Variants in PPP2R2B observed in about 807,000 individuals in gnomAD.
PPP2R2B encodes serine/threonine-protein phosphatase 2A 55 kDa regulatory subunit B beta isoform.
In PPP2R2B, 5 loss-of-function variants were observed where a neutral mutation model predicts 46.0. The observed-to-expected ratio is 0.11, with a 90% CI of 0.06 to 0.23. The LOEUF (loss-of-function observed/expected upper bound fraction) is 0.23, where lower values mean the gene tolerates loss of function less well. Among genes scored for constraint, PPP2R2B ranks in the 10% least tolerant of loss-of-function variants. PPP2R2B has a pLI of 1.00. For synonymous variants in PPP2R2B, 215 were observed against 206.7 expected, an observed-to-expected ratio of 1.04 and a Z score of -0.34; for missense variants, 367 against 575.0, an observed-to-expected ratio of 0.64 and a Z score of 3.70.
At chr5:146,667,328 GCGCGCACACA>G (rs1436176182) in intron 5 of PPP2R2B, among the ~76,000 whole-genome samples, 10,978 of 126,154 alleles carry the variant, frequency 0.087, 510 homozygotes, top group African/African-American at 0.17. Context: ...ATAGGCGTGC[GCGCGCACACA>G]CACACACACA....
rs146841643 is a variant in PPP2R2B, at chr5:146,680,353, C to T, written c.447+10775G>A. Reference sequence around the variant, plus strand: ...AGGTGGGAATTGGACAATGAGATCACGTGGACACAGGAAGGGGAATATCAC... The same window carrying T: ...AGGTGGGAATTGGACAATGAGATCATGTGGACACAGGAAGGGGAATATCAC... On this transcript the variant is annotated intron_variant, in intron 5 of 9. Coordinates refer to ENST00000394411, the MANE Select transcript of PPP2R2B (RefSeq NM_181675.4). 8.3e-3 allele frequency among the ~76,000 whole-genome samples: 1,169 copies of T among 141,066 alleles called. 13 individuals carry two copies. Among genetic ancestry groups the T allele is most frequent in the African/African-American group, 0.028 (1,081 of 38,122 alleles). 92.5% of individuals were successfully genotyped at this position (141,066 alleles called of 152,430 possible).
chr5:146,915,826 C>G (rs1450449276), intron 1 of PPP2R2B, among the ~76,000 whole-genome samples: 2 of 152,140 alleles, frequency 1.3e-5, no homozygotes, highest in Non-Finnish European at 2.9e-5. Flanking sequence ...ATTTAAAAAT[C>G]ATTAACCAAG....
intron 7 of PPP2R2B, among the ~76,000 whole-genome samples, chr5:146,617,228 G>A (rs1402990974): frequency 1.3e-5 from 2 of 152,118 alleles, no homozygotes; most frequent in Non-Finnish European, 2.9e-5. Context: ...AGGTTGGGGG[G>A]CAGGGGGAAG....
intron 1 of PPP2R2B, among the ~76,000 whole-genome samples, chr5:147,012,343 T>C (rs1160412472): frequency 2.6e-5 from 4 of 152,202 alleles, no homozygotes; most frequent in African/African-American, 9.6e-5. Context: ...CCATTTCTTC[T>C]AGATTTTCTA....
chr5:146,890,223 A>G (rs1762453506), intron 1 of PPP2R2B, among the ~76,000 whole-genome samples: 1 of 152,242 alleles, frequency 6.6e-6, no homozygotes, highest in African/African-American at 2.4e-5. Context: ...ATTGTAAAGT[A>G]ACACAGTTCC....
intron 2 of PPP2R2B, among the ~76,000 whole-genome samples, chr5:146,840,684 G>T (rs1049993695): frequency 6.6e-6 from 1 of 152,074 alleles, no homozygotes; most frequent in African/African-American, 2.4e-5. Flanking sequence ...ACTCCAATTT[G>T]TTTTTATACA....
chr5:146,972,421 G>A (rs1452239162), intron 1 of PPP2R2B, among the ~76,000 whole-genome samples: 1 of 152,026 alleles, frequency 6.6e-6, no homozygotes, highest in East Asian at 1.9e-4. Context: ...AACTCAAGAG[G>A]GAGATGTTGG....
At chr5:146,820,979 C>T (rs752298542) in intron 2 of PPP2R2B, among the ~76,000 whole-genome samples, 33 of 152,156 alleles carry the variant, frequency 2.2e-4, no homozygotes, top group Non-Finnish European at 3.8e-4. Context: ...CCATCTCTCA[C>T]CAAGATTAGT....
intron 1 of PPP2R2B, among the ~76,000 whole-genome samples, chr5:146,884,721 C>G (rs950604580): frequency 1.3e-5 from 2 of 152,130 alleles, no homozygotes; most frequent in African/African-American, 4.8e-5. Flanking sequence ...TTTAGGCTGT[C>G]CTGTGCAAGA....
chr5:146,619,860 A>G (rs1773527318), intron 7 of PPP2R2B, among the ~76,000 whole-genome samples: 1 of 152,172 alleles, frequency 6.6e-6, no homozygotes, highest in African/African-American at 2.4e-5. Context: ...ATCTTGGCCC[A>G]CTGCATCCTT....
At chr5:146,659,367 C>G (rs1435912438) in intron 5 of PPP2R2B, among the ~76,000 whole-genome samples, 5 of 152,198 alleles carry the variant, frequency 3.3e-5, no homozygotes, top group African/African-American at 1.2e-4. Context: ...TCTGGAGGTA[C>G]ACAAGCACAC....
intron 2 of PPP2R2B, among the ~76,000 whole-genome samples, chr5:146,758,872 C>T (rs983124863): frequency 2.6e-5 from 4 of 152,138 alleles, no homozygotes; most frequent in African/African-American, 9.7e-5. Flanking sequence ...CTAATCCTGT[C>T]TCTACAGACC....
At position 146,600,360 on chromosome 5, in the gene PPP2R2B, C is replaced by A; in HGVS notation, c.891G>T (p.Met297Ile). Residue 297 changes from methionine to isoleucine, a missense_variant, in exon 8 of 10, where the codon ATG (methionine) becomes ATT (isoleucine). Physicochemically the swap from Met to Ile is conservative, Grantham distance 10. Transcript: ENST00000394411. Reference sequence around the variant, plus strand: ...CTTTGACGGTCAAGTAGTCCCTGGTCATGATATACCTCCCACTGTGGCTGA... The same window carrying A: ...CTTTGACGGTCAAGTAGTCCCTGGTAATGATATACCTCCCACTGTGGCTGA... The part of the protein sequence containing the change: ...VKFSHSGRYI[M>I]TRDYLTVKVW... The A allele has an allele frequency of 6.2e-7, 1 of 1,613,974 alleles. No individual in the cohort carries two copies. The highest frequency in any genetic ancestry group is 1.1e-5 in the South Asian group (1 of 91,054).
At position 146,652,982 on chromosome 5, in the gene PPP2R2B, TAA is replaced by T. The variant is rs532236892; in HGVS notation, c.448-2260_448-2259del. ...GCCTGAGTTAAGGCATTGCGATGGATAAAAAAGTGACTTTGCCCTGAGAAACA... is the reference window on the plus strand; with the variant it reads ...GCCTGAGTTAAGGCATTGCGATGGATAAAAGTGACTTTGCCCTGAGAAACA... On this transcript the variant is annotated intron_variant, in intron 5 of 9. Coordinates refer to ENST00000394411, the MANE Select transcript of PPP2R2B (RefSeq NM_181675.4). 7.2e-3 allele frequency among the ~76,000 whole-genome samples: 1,091 copies of T among 152,260 alleles called. 8 individuals carry two copies. Among genetic ancestry groups the T allele is most frequent in the Middle Eastern group, 0.044 (13 of 294 alleles).
rs146742970 is a variant in PPP2R2B, at chr5:146,650,632, A to T, written c.540T>A (p.Ser180=). The T allele has an allele frequency of 8.1e-5, 130 of 1,614,014 alleles. No homozygotes were observed. The highest frequency in any genetic ancestry group is 1.5e-4 in the Admixed American group (9 of 60,000). Residue 180 remains serine, a synonymous_variant, in exon 6 of 10, where the codon TCT becomes TCA. Transcript: ENST00000394411. ...TGTAGGTTTCATAGTCGCTGTTGAC[A>T]GATATGGAGTTGATGTGATATGTGT... is the stretch of plus-strand genomic sequence containing the variant. The part of the protein sequence containing the change: ...NAHTYHINSI[S]VNSDYETYMS...
At chr5:146,856,973 G>T (rs1760711251) in intron 2 of PPP2R2B, among the ~76,000 whole-genome samples, 2 of 152,166 alleles carry the variant, frequency 1.3e-5, no homozygotes, top group Non-Finnish European at 2.9e-5. Context: ...AATACTTCAG[G>T]TGATTCTAAT....
chr5:146,728,772 A>G (rs1486984500), intron 2 of PPP2R2B, among the ~76,000 whole-genome samples: 1 of 151,910 alleles, frequency 6.6e-6, no homozygotes, highest in African/African-American at 2.4e-5. Context: ...CTTCTTCGTC[A>G]TTTTCTCTTG....
Position 146,625,340 on chromosome 5 carries a change from T to C in PPP2R2B, c.790+12911A>G, listed in dbSNP as rs567351742. Among the ~76,000 whole-genome samples the C allele has an allele frequency of 2.7e-4, 41 of 152,370 alleles. No homozygotes were observed. In the East Asian group the frequency reaches 4.8e-3, roughly 18 times the overall value. ...ACTGTGTGTGTGTGTAATGTATTCT[T>C]AATGCTAGAAATGAGCAAACAGTGG... On this transcript the variant is annotated intron_variant, in intron 7 of 9. Coordinates refer to ENST00000394411, the MANE Select transcript of PPP2R2B (RefSeq NM_181675.4).
chr5:146,779,702 C>T (rs369806438), intron 2 of PPP2R2B, among the ~76,000 whole-genome samples: 1 of 152,106 alleles, frequency 6.6e-6, no homozygotes, highest in African/African-American at 2.4e-5. Flanking sequence ...ATAGTCTCAT[C>T]CCCGGGTTTA....
Sources: allele counts gnomAD v4.1 joint callset (sites outside exome capture counted in the v4.1 genomes callset), GRCh38; gene constraint gnomAD v4.1.1; transcripts MANE v1.5; gene names NCBI Gene and HGNC (gene_info 2026-07-23, HGNC 2026-07-21).